The following FOXK1 variants were observed in gnomAD, a reference collection of about 807,000 sequenced individuals.
FOXK1 encodes the protein forkhead box K1.
FOXK1 carries 19 observed loss-of-function variants against 51.9 expected under a neutral mutation model. That is an observed-to-expected ratio of 0.37 (90% CI 0.26 to 0.54). FOXK1 has a LOEUF of 0.54. Ranked by LOEUF, FOXK1 falls within the 20% of genes least tolerant of loss-of-function variation. FOXK1 has a pLI of 0.87. For missense variants in FOXK1, 870 were observed against 1,032.7 expected, an observed-to-expected ratio of 0.84 and a Z score of 2.16; for synonymous variants, 537 against 482.6, an observed-to-expected ratio of 1.11 and a Z score of -1.48.
chr7:4,729,728 G>C lies in FOXK1; in HGVS notation c.561-11110G>C, dbSNP rs535047054. 1.3e-4 allele frequency among the ~76,000 whole-genome samples: 20 copies of C among 152,288 alleles called. 2 individuals are homozygous for C. The South Asian group carries it at 4.1e-3, about 32-fold the overall frequency. On this transcript the variant is annotated intron_variant, in intron 1 of 8. Transcript: ENST00000328914. The surrounding 1 kb of genome is among the most constrained non-coding windows in gnomAD (Gnocchi z 6.2). Reference sequence around the variant, plus strand: ...ACCCTGGCCGGGTGCAGCAGCTCACGCCTGTAATCCCAGCACTTTGGGAGG... The same window carrying C: ...ACCCTGGCCGGGTGCAGCAGCTCACCCCTGTAATCCCAGCACTTTGGGAGG...
chr7:4,692,902 T>C (rs1051540595), intron 1 of FOXK1, among the ~76,000 whole-genome samples: 1 of 152,022 alleles, frequency 6.6e-6, no homozygotes, highest in Non-Finnish European at 1.5e-5. Context: ...ATTTCTTTTA[T>C]TTATTTATTT....
chr7:4,690,426 A>G (rs1022463673), intron 1 of FOXK1, among the ~76,000 whole-genome samples: 1 of 152,256 alleles, frequency 6.6e-6, no homozygotes, highest in Non-Finnish European at 1.5e-5. Flanking sequence ...GTTCCAAGTT[A>G]GACTGTCAAC....
rs987936310 is a variant in FOXK1 at position 4,766,506 on chromosome 7, CCTTTT to C, written c.*4047_*4051del. 6.6e-6 allele frequency: 1 copy of C among 152,234 alleles called. No homozygotes were observed. Among genetic ancestry groups the C allele is most frequent in the Non-Finnish European group, 1.5e-5 (1 of 68,072 alleles). The allele number at this position is 152,234 out of a possible 1,614,324, so 9.4% of individuals were successfully genotyped here. On this transcript the variant is annotated 3_prime_UTR_variant, in exon 9 of 9. Transcript: ENST00000328914. The surrounding 1 kb of genome is among the most constrained non-coding windows in gnomAD (Gnocchi z 5.5). ...GGGATTTGCTGTTTATTTGTATCTC[CCTTTT>C]CTTTGATTTAAGAACAATGCCAAGT...
At chr7:4,686,077 A>G (rs1779814375) in intron 1 of FOXK1, among the ~76,000 whole-genome samples, 2 of 152,358 alleles carry the variant, frequency 1.3e-5, no homozygotes, top group Middle Eastern at 6.8e-3. Flanking sequence ...TGAATGGGAA[A>G]TTCATCACCG....
rs1444506970 is a variant in FOXK1 at position 4,734,719 on chromosome 7, G to A, written c.561-6119G>A. Among the ~76,000 whole-genome samples, 1 of 152,210 alleles carries A rather than the reference G, an allele frequency of 6.6e-6. No individual in the cohort carries two copies. Among genetic ancestry groups the A allele is most frequent in the Non-Finnish European group, 1.5e-5 (1 of 68,038 alleles). Reference sequence around the variant, plus strand: ...GCTCTGGAAGCTTGGGGGGCTGAGAGCCTCTGGTCCTCCTGCAGAATTTCA... The same window carrying A: ...GCTCTGGAAGCTTGGGGGGCTGAGAACCTCTGGTCCTCCTGCAGAATTTCA... On this transcript the variant is annotated intron_variant, in intron 1 of 8. Coordinates refer to ENST00000328914, the MANE Select transcript of FOXK1 (RefSeq NM_001037165.2). This position sits in a 1 kb window ranked among gnomAD's most constrained non-coding sequence, Gnocchi z 5.2.
chr7:4,737,488 G>C (rs542202526), intron 1 of FOXK1, among the ~76,000 whole-genome samples: 1 of 151,718 alleles, frequency 6.6e-6, no homozygotes, highest in Non-Finnish European at 1.5e-5. Flanking sequence ...GGGTGTGGGC[G>C]TGTGCGTGGG....
At position 4,723,061 on chromosome 7, in the gene FOXK1, C is replaced by T. The variant is rs930240184; in HGVS notation, c.561-17777C>T. Among the ~76,000 whole-genome samples the T allele has an allele frequency of 1.3e-5, 2 of 151,922 alleles. No homozygotes were observed. The highest frequency in any genetic ancestry group is 6.6e-5 in the Admixed American group (1 of 15,234). On this transcript the variant is annotated intron_variant, in intron 1 of 8. Coordinates refer to ENST00000328914, the MANE Select transcript of FOXK1 (RefSeq NM_001037165.2). This position sits in a 1 kb window ranked among gnomAD's most constrained non-coding sequence, Gnocchi z 4.7. ...CACAACCTGTATCAGCTTGTGATCCCGAACAAAAACCCGTCTTCCCAAGCC... is the reference window on the plus strand; with the variant it reads ...CACAACCTGTATCAGCTTGTGATCCTGAACAAAAACCCGTCTTCCCAAGCC...
chr7:4,701,547 G>A (rs1780021245), intron 1 of FOXK1, among the ~76,000 whole-genome samples: 1 of 152,234 alleles, frequency 6.6e-6, no homozygotes. Flanking sequence ...CTTGAGCTCA[G>A]GAGTTCGGGA....
rs1780987627 is a variant in FOXK1, at chr7:4,764,756, G to A, written c.*2292G>A. ...GACCTCTGTTTGCTTCTGGGCCACT[G>A]CAGGTTGGCCTCCTCAATACAAGCT... On this transcript the variant is annotated 3_prime_UTR_variant, in exon 9 of 9. Transcript: ENST00000328914. The A allele has an allele frequency of 6.6e-6, 1 of 152,350 alleles. No homozygotes were observed. Among genetic ancestry groups the A allele is most frequent in the African/African-American group, 2.4e-5 (1 of 41,474 alleles). The allele number at this position is 152,350 out of a possible 1,614,324, so 9.4% of individuals were successfully genotyped here.
chr7:4,721,905 T>C (rs1426577850), intron 1 of FOXK1, among the ~76,000 whole-genome samples: 6 of 152,272 alleles, frequency 3.9e-5, no homozygotes, highest in African/African-American at 1.4e-4. Context: ...TTCATTTTAA[T>C]ATTTGAGTTT....
Position 4,754,459 on chromosome 7 carries a change from T to C in FOXK1, c.747T>C (p.Ser249=), listed in dbSNP as rs759783187. The C allele has an allele frequency of 1.9e-6, 3 of 1,612,554 alleles. No individual in the cohort carries two copies. The highest frequency in any genetic ancestry group is 2.7e-5 in the African/African-American group (2 of 74,948). ...TTACAGTGTCCTTCTCTCTCCTCAG[T>C]GTCCCCAACTCCTGCCCAGCCAGTC... ...SPVPSPTGTI[S]VPNSCPASPR... The change falls in exon 3 of 9, where the codon AGT becomes AGC. Residue 249 remains serine, a splice_region_variant and synonymous_variant. Transcript: ENST00000328914.
intron 1 of FOXK1, among the ~76,000 whole-genome samples, chr7:4,696,306 G>A (rs548883714): frequency 7.2e-5 from 11 of 152,210 alleles, no homozygotes; most frequent in African/African-American, 2.2e-4. Context: ...ATAAATCGCC[G>A]AGGCTCTGTC....
rs1404564472 is a variant in FOXK1 at position 4,767,120 on chromosome 7, C to T, written c.*4656C>T. On this transcript the variant is annotated 3_prime_UTR_variant, in exon 9 of 9. Transcript: ENST00000328914. The surrounding 1 kb of genome is among the most constrained non-coding windows in gnomAD (Gnocchi z 6.6). ...ATTCTGCTTTGCCCTTGAGTGACTT[C>T]ATGCGGGATGAGGAACTGTTGACCC... 1 of 152,256 alleles carries T rather than the reference C, an allele frequency of 6.6e-6. No homozygotes were observed. Among genetic ancestry groups the T allele is most frequent in the Non-Finnish European group, 1.5e-5 (1 of 68,070 alleles). The allele number at this position is 152,256 out of a possible 1,614,324, so 9.4% of individuals were successfully genotyped here.
Position 4,682,637 on chromosome 7 carries a change from AG to A in FOXK1, c.332del (p.Gly111AlafsTer26). On this transcript the variant is annotated frameshift_variant, in exon 1 of 9. Transcript: ENST00000328914. LOFTEE classifies it high-confidence loss of function. The surrounding 1 kb of genome is among the most constrained non-coding windows in gnomAD (Gnocchi z 7.6). ...CCGGGGCCGGCGCTGGCGCGGCTGGAGGGCCGCGAGTTCGAGTTCCTCATGC... is the reference window on the plus strand; with the variant it reads ...CCGGGGCCGGCGCTGGCGCGGCTGGAGGCCGCGAGTTCGAGTTCCTCATGC... ...QSPGPALARL[E>X]GREFEFLMRQ... 1 of 1,543,122 alleles carries A rather than the reference AG, an allele frequency of 6.5e-7. No individual in the cohort carries two copies.
At chr7:4,738,179 A>G (rs936288343) in intron 1 of FOXK1, among the ~76,000 whole-genome samples, 4 of 151,450 alleles carry the variant, frequency 2.6e-5, no homozygotes, top group African/African-American at 9.7e-5. Flanking sequence ...GCTCATGCCT[A>G]TAATCCCAGC....
chr7:4,695,512 A>C (rs930795578), intron 1 of FOXK1, among the ~76,000 whole-genome samples: 2 of 152,166 alleles, frequency 1.3e-5, no homozygotes, highest in Admixed American at 1.3e-4. Context: ...AGTGTTTGAA[A>C]TGTGGCTCAA....
rs569550891 is a variant in FOXK1, at chr7:4,707,770, C to T, written c.560+24902C>T. ...CACGATCGTGGCTCTCTGCAACCTC[C>T]GCCTCCTGGGTTCAAGCAATTCTCC... On this transcript the variant is annotated intron_variant, in intron 1 of 8. Transcript: ENST00000328914. This position sits in a 1 kb window ranked among gnomAD's most constrained non-coding sequence, Gnocchi z 4.1. Among the ~76,000 whole-genome samples the T allele has an allele frequency of 5.5e-4, 83 of 152,082 alleles. 2 individuals carry two copies. The highest frequency in any genetic ancestry group is 1.9e-3 in the African/African-American group (79 of 41,478).
chr7:4,754,437 C>A, intron 2 of FOXK1, 22 bp from the exon 3 acceptor site: 4 of 1,609,414 alleles, frequency 2.5e-6, no homozygotes, highest in South Asian at 1.1e-5. Context: ...CATGAACTTA[C>A]AGTGTCCTTC....
In FOXK1 at chr7:4,729,975, G is replaced by A. The variant is rs1163090914; in HGVS notation, c.561-10863G>A. 6.6e-6 allele frequency among the ~76,000 whole-genome samples: 1 copy of A among 152,132 alleles called. No individual in the cohort carries two copies. Among genetic ancestry groups the A allele is most frequent in the Non-Finnish European group, 1.5e-5 (1 of 68,038 alleles). On this transcript the variant is annotated intron_variant, in intron 1 of 8. Coordinates refer to ENST00000328914, the MANE Select transcript of FOXK1 (RefSeq NM_001037165.2). This position sits in a 1 kb window ranked among gnomAD's most constrained non-coding sequence, Gnocchi z 6.2. ...ACTGCCCTCCAGCCTGGGCGACAGA[G>A]CGAGACTCTGTCGAAACAATTTAAA...
Sources: allele counts gnomAD v4.1 joint callset (sites outside exome capture counted in the v4.1 genomes callset), GRCh38; gene constraint gnomAD v4.1.1; non-coding constraint Gnocchi (gnomAD v3.1); transcripts MANE v1.5; gene names NCBI Gene and HGNC (gene_info 2026-07-23, HGNC 2026-07-21).